DOP1B: variants seen among roughly 807,000 people sequenced by gnomAD.
DOP1B encodes the protein protein DOP1B.
A neutral mutation model predicts 233.5 loss-of-function variants in DOP1B; 174 were observed. The observed-to-expected ratio is 0.75, with a 90% confidence interval of 0.66 to 0.85. DOP1B has a LOEUF of 0.85. Ranked by LOEUF, DOP1B falls within the 40% of genes least tolerant of loss-of-function variation. The pLI is 0.00. For synonymous variants in DOP1B, 1,190 were observed against 1,185.6 expected, an observed-to-expected ratio of 1.00 and a Z score of -0.08; for missense variants, 2,652 against 2,846.6, an observed-to-expected ratio of 0.93 and a Z score of 1.56.
intron 26 of DOP1B, among the ~76,000 whole-genome samples, chr21:36,264,621 G>A (rs570099006): frequency 8.6e-5 from 13 of 151,964 alleles, no homozygotes; most frequent in African/African-American, 2.9e-4. Context: ...TTACAGACAT[G>A]CCACCACGCC....
chr21:36,211,717 G>A lies in DOP1B; in HGVS notation c.780+66G>A, dbSNP rs2066500527. ...CCAAGGGGTGGGATATAGATCTCAA[G>A]CAGTTCTGTCGTACGAGGACAGCTC... On this transcript the variant is annotated intron_variant, in intron 6 of 36. Coordinates refer to ENST00000691173, the MANE Select transcript of DOP1B (RefSeq NM_001320714.2). 5 of 1,536,740 alleles carry A rather than the reference G, an allele frequency of 3.3e-6. No individual in the cohort carries two copies. In the Admixed American group the frequency reaches 8.4e-5, roughly 26 times the overall value.
Position 36,245,431 on chromosome 21 carries a change from G to C in DOP1B, c.3451G>C (p.Gly1151Arg), listed in dbSNP as rs775515648. The C allele has an allele frequency of 3.1e-6, 5 of 1,613,870 alleles. No individual in the cohort carries two copies. In the Admixed American group the frequency reaches 8.3e-5, roughly 27 times the overall value. ...EENCCAPIPMGGRAYPKRSAL... is the reference protein window; with the variant it reads ...EENCCAPIPMRGRAYPKRSAL... ...GAACTGCTGTGCACCCATCCCCATGGGGGGCAGGGCGTACCCCAAGCGCTC... is the reference window on the plus strand; with the variant it reads ...GAACTGCTGTGCACCCATCCCCATGCGGGGCAGGGCGTACCCCAAGCGCTC... The change falls in exon 19 of 37, where the codon GGG (glycine) becomes CGG (arginine). Residue 1151 changes from glycine (G) to arginine (R), a missense_variant. Gly to Arg is a moderately radical substitution (Grantham distance 125). Around this residue, in one of 3 missense-constraint regions of DOP1B, gnomAD observed 2,617 missense variants for 2,794.3 expected, o/e 0.94. Transcript: ENST00000691173. This position sits in a 1 kb window ranked among gnomAD's most constrained non-coding sequence, Gnocchi z 5.5.
chr21:36,232,348 C>T (rs1016407115), intron 14 of DOP1B, among the ~76,000 whole-genome samples: 3 of 152,212 alleles, frequency 2.0e-5, no homozygotes, highest in Non-Finnish European at 2.9e-5. Context: ...AAATTTGTCT[C>T]ATAGTTCTGG....
chr21:36,264,157 A>C (rs1389523610), intron 26 of DOP1B, among the ~76,000 whole-genome samples: 1 of 152,240 alleles, frequency 6.6e-6, no homozygotes, highest in Non-Finnish European at 1.5e-5. Context: ...GCGGTGGCGC[A>C]TACTTGTAAT....
intron 27 of DOP1B, among the ~76,000 whole-genome samples, chr21:36,270,381 C>T (rs756395411): frequency 2.0e-5 from 3 of 150,082 alleles, no homozygotes; most frequent in Admixed American, 6.6e-5. Context: ...GGCGAAACCC[C>T]GTCTCTACTA....
chr21:36,293,173 TCCAGCCTGGG>T, intron 36 of DOP1B, 137 bp from the exon 37 acceptor site: 1 of 820,342 alleles, frequency 1.2e-6, no homozygotes, highest in South Asian at 1.8e-5. Flanking sequence ...GCTGCTGCAC[TCCAGCCTGGG>T]CGACAGAGCA....
At chr21:36,267,355 T>A (rs2067241425) in intron 26 of DOP1B, among the ~76,000 whole-genome samples, 1 of 152,254 alleles carries the variant, frequency 6.6e-6, no homozygotes, top group African/African-American at 2.4e-5. Flanking sequence ...GCCAATCCAC[T>A]GAATACAATT....
At chr21:36,201,472 C>A in intron 4 of DOP1B, among the ~76,000 whole-genome samples, 1 of 151,052 alleles carries the variant, frequency 6.6e-6, no homozygotes, top group Non-Finnish European at 1.5e-5. Context: ...CGCAGCCTCC[C>A]AAGTAGCCAA....
intron 4 of DOP1B, among the ~76,000 whole-genome samples, chr21:36,207,499 GTTTT>G (rs1164791099): frequency 7.8e-5 from 7 of 89,628 alleles, no homozygotes; most frequent in Non-Finnish European, 1.5e-4. Context: ...AGTTTTTTTT[GTTTT>G]TTTTTTTTTT....
At chr21:36,182,433 A>C (rs1316910417) in intron 2 of DOP1B, among the ~76,000 whole-genome samples, 3 of 152,140 alleles carry the variant, frequency 2.0e-5, no homozygotes, top group African/African-American at 7.2e-5. Context: ...CTCTAGCCCA[A>C]TGAGATATGG....
intron 12 of DOP1B, among the ~76,000 whole-genome samples, chr21:36,225,937 CCGTACTA>C (rs2066677361): frequency 6.6e-6 from 1 of 152,192 alleles, no homozygotes; most frequent in African/African-American, 2.4e-5. Context: ...GGTATCATTC[CCGTACTA>C]CAGTTACTTT....
chr21:36,157,383 C>G (rs2065829331), intron 1 of DOP1B, among the ~76,000 whole-genome samples: 1 of 152,172 alleles, frequency 6.6e-6, no homozygotes, highest in Admixed American at 6.5e-5. Flanking sequence ...GGACGCAGAC[C>G]TGTGAGAACT....
chr21:36,172,498 A>G (rs764943792), intron 2 of DOP1B, among the ~76,000 whole-genome samples: 1 of 152,224 alleles, frequency 6.6e-6, no homozygotes, highest in Admixed American at 6.5e-5. Flanking sequence ...GCAGTGATGC[A>G]TGCCTGTAAT....
Position 36,246,536 on chromosome 21 carries a change from G to T in DOP1B, c.4556G>T (p.Trp1519Leu). The T allele has an allele frequency of 4.3e-6, 7 of 1,614,202 alleles. No individual in the cohort carries two copies. The highest frequency in any genetic ancestry group is 5.9e-6 in the Non-Finnish European group (7 of 1,180,046). ...PAYGYGMHPA[W>L]VSLVTHSLPY... ...TACGGTTACGGCATGCATCCGGCCT[G>T]GGTGAGCTTGGTCACGCATTCCTTG... Residue 1519 changes from tryptophan (W) to leucine (L), a missense_variant, in exon 19 of 37, where the codon TGG becomes TTG. Coordinates refer to ENST00000691173, the MANE Select transcript of DOP1B (RefSeq NM_001320714.2). The surrounding 1 kb of genome is among the most constrained non-coding windows in gnomAD (Gnocchi z 5.1).
chr21:36,288,105 T>C lies in DOP1B; in HGVS notation c.6252T>C (p.Ser2084=). 2 of 1,614,130 alleles carry C rather than the reference T, an allele frequency of 1.2e-6. No homozygotes were observed. Among genetic ancestry groups the C allele is most frequent in the Non-Finnish European group, 1.7e-6 (2 of 1,180,004 alleles). The stretch of plus-strand genomic sequence containing the variant: ...TCAGAGTTTTGCTGCTAAGAATATC[T>C]CCTCAACATTTGACTTCATTGTGGC... ...LFFRVLLLRI[S]PQHLTSLWPI... The change falls in exon 33 of 37, where the codon TCT becomes TCC. Residue 2084 remains serine, a synonymous_variant. Transcript: ENST00000691173.
chr21:36,157,680 C>T (rs2065832113), intron 1 of DOP1B, among the ~76,000 whole-genome samples: 1 of 152,214 alleles, frequency 6.6e-6, no homozygotes. Context: ...AATTTAATTG[C>T]CACTTTGAAA....
intron 2 of DOP1B, among the ~76,000 whole-genome samples, chr21:36,183,637 C>T (rs1002344069): frequency 2.0e-5 from 3 of 152,342 alleles, no homozygotes; most frequent in Non-Finnish European, 2.9e-5. Flanking sequence ...CTCCCCATGG[C>T]GGAGGCACCA....
chr21:36,282,057 T>C (rs1468156426), intron 32 of DOP1B, among the ~76,000 whole-genome samples: 1 of 152,210 alleles, frequency 6.6e-6, no homozygotes, highest in Non-Finnish European at 1.5e-5. Flanking sequence ...GATTGTCACT[T>C]GTTAAAACAA....
At chr21:36,278,175 A>G (rs778249739) in intron 29 of DOP1B, 34 bp from the exon 30 acceptor site, 2 of 1,613,638 alleles carry the variant, frequency 1.2e-6, no homozygotes, top group Non-Finnish European at 1.7e-6. Context: ...ACAGTCCTTG[A>G]CCTTGACCCT....
Sources: allele counts gnomAD v4.1 joint callset (sites outside exome capture counted in the v4.1 genomes callset), GRCh38; gene constraint gnomAD v4.1.1; regional missense constraint gnomAD v4.1.1; non-coding constraint Gnocchi (gnomAD v3.1); transcripts MANE v1.5; gene names NCBI Gene and HGNC (gene_info 2026-07-23, HGNC 2026-07-21).